SEC24D: variants seen among roughly 807,000 people sequenced by gnomAD.
SEC24D encodes the protein protein transport protein Sec24D.
A neutral mutation model predicts 116.9 loss-of-function variants in SEC24D; 69 were observed. The ratio of observed to expected loss-of-function variants is 0.59; its 90% CI spans 0.49 to 0.72. The LOEUF is 0.72. Among genes scored for constraint, SEC24D ranks in the 30% least tolerant of loss-of-function variants. The pLI, the probability that SEC24D is intolerant of heterozygous loss-of-function variation, is 0.00. For synonymous variants in SEC24D, 405 were observed against 442.8 expected (o/e 0.91, Z 1.07); for missense variants, 1,131 against 1,264.1 (o/e 0.89, Z 1.60).
At chr4:118,788,083 AG>A (rs1431037913) in intron 8 of SEC24D, among the ~76,000 whole-genome samples, 3 of 152,168 alleles carry the variant, frequency 2.0e-5, no homozygotes, top group Non-Finnish European at 2.9e-5. Context: ...CCTCCCAAGG[AG>A]GTGGGATTAC....
At chr4:118,740,439 T>G (rs974660308) in intron 17 of SEC24D, among the ~76,000 whole-genome samples, 2 of 152,210 alleles carry the variant, frequency 1.3e-5, no homozygotes, top group South Asian at 2.1e-4. Context: ...TTGCTGGACT[T>G]GCATGCAATG....
At chr4:118,753,003 GTT>G (rs1726916282) in intron 11 of SEC24D, 115 bp from the exon 12 acceptor site, 1 of 739,766 alleles carries the variant, frequency 1.4e-6, no homozygotes, top group Non-Finnish European at 2.1e-6. Context: ...CATGTTTAAA[GTT>G]TTTGTCTTAC....
intron 22 of SEC24D, among the ~76,000 whole-genome samples, chr4:118,724,765 T>TCA (rs1004862309): frequency 4.6e-5 from 7 of 152,180 alleles, no homozygotes; most frequent in Non-Finnish European, 1.0e-4. Context: ...ATCTGAATTG[T>TCA]CATAATTTCA....
intron 10 of SEC24D, among the ~76,000 whole-genome samples, chr4:118,762,102 G>GAA (rs779529680): frequency 7.5e-6 from 1 of 133,102 alleles, no homozygotes; most frequent in Non-Finnish European, 1.6e-5. Context: ...TTTTTGTTCA[G>GAA]AAAAAAAAAA....
intron 8 of SEC24D, among the ~76,000 whole-genome samples, chr4:118,788,670 C>G (rs1274364671): frequency 1.3e-5 from 2 of 152,144 alleles, no homozygotes; most frequent in African/African-American, 4.8e-5. Context: ...GAGAGGTGAA[C>G]AGGGTTATAA....
At chr4:118,834,536 A>AT (rs1731008947) in intron 1 of SEC24D, among the ~76,000 whole-genome samples, 1 of 152,130 alleles carries the variant, frequency 6.6e-6, no homozygotes, top group South Asian at 2.1e-4. Context: ...TAAATTTTCT[A>AT]TTTTTTCCAG....
intron 7 of SEC24D, among the ~76,000 whole-genome samples, chr4:118,805,013 T>C (rs1578456032): frequency 6.6e-6 from 1 of 151,842 alleles, no homozygotes; most frequent in Admixed American, 6.6e-5. Context: ...CTGAGGGTGA[T>C]GCTGAGGTTG....
chr4:118,748,594 G>A (rs558763009), intron 13 of SEC24D, among the ~76,000 whole-genome samples: 1 of 152,260 alleles, frequency 6.6e-6, no homozygotes, highest in African/African-American at 2.4e-5. Context: ...CAGGTTGAGA[G>A]AGGCTGGCTT....
At chr4:118,818,981 A>G (rs1730273879) in intron 3 of SEC24D, among the ~76,000 whole-genome samples, 1 of 152,234 alleles carries the variant, frequency 6.6e-6, no homozygotes, top group South Asian at 2.1e-4. Context: ...TTTGGAAGAA[A>G]ATGAATAAAA....
chr4:118,799,096 G>C (rs1223760268), intron 7 of SEC24D, among the ~76,000 whole-genome samples: 1 of 152,206 alleles, frequency 6.6e-6, no homozygotes, highest in African/African-American at 2.4e-5. Flanking sequence ...GTAGAACCAG[G>C]GAGACCATGT....
chr4:118,791,267 G>T (rs1728881884), intron 8 of SEC24D, among the ~76,000 whole-genome samples: 1 of 152,066 alleles, frequency 6.6e-6, no homozygotes, highest in South Asian at 2.1e-4. Context: ...TTTCAGAGAG[G>T]TGTTTGGATA....
chr4:118,748,874 CTTTGT>C (rs1726678962), intron 13 of SEC24D, among the ~76,000 whole-genome samples: 1 of 152,098 alleles, frequency 6.6e-6, no homozygotes, highest in Non-Finnish European at 1.5e-5. Context: ...CTCCATAAAC[CTTTGT>C]GCAAGGAGCA....
At chr4:118,792,285 G>A (rs1159844491) in intron 8 of SEC24D, among the ~76,000 whole-genome samples, 3 of 144,808 alleles carry the variant, frequency 2.1e-5, no homozygotes, top group South Asian at 2.2e-4. Flanking sequence ...GGCAGCCCCC[G>A]CCCGGCCAGC....
chr4:118,783,225 C>T (rs1049665338), intron 8 of SEC24D, among the ~76,000 whole-genome samples: 3 of 152,176 alleles, frequency 2.0e-5, no homozygotes, highest in Admixed American at 2.0e-4. Context: ...TGTTCCTATT[C>T]GACCATCTTG....
At chr4:118,810,713 G>A (rs571365851) in intron 6 of SEC24D, among the ~76,000 whole-genome samples, 2 of 152,300 alleles carry the variant, frequency 1.3e-5, no homozygotes, top group African/African-American at 4.8e-5. Flanking sequence ...CCCAGATGAT[G>A]CTGATGGTGC....
At chr4:118,805,644 C>A (rs527688035) in intron 7 of SEC24D, among the ~76,000 whole-genome samples, 199 bp downstream of exon 7, 1 of 152,290 alleles carries the variant, frequency 6.6e-6, no homozygotes, top group East Asian at 1.9e-4. Context: ...CACTGGAACT[C>A]TCCAGACTTC....
intron 19 of SEC24D, among the ~76,000 whole-genome samples, chr4:118,734,210 CTCT>C (rs771477321): frequency 1.3e-5 from 2 of 150,354 alleles, no homozygotes; most frequent in African/African-American, 4.9e-5. Context: ...TTAGCTTTCT[CTCT>C]TTTTTATTTT....
chr4:118,738,634 C>T (rs957369832), intron 18 of SEC24D, among the ~76,000 whole-genome samples: 1 of 152,102 alleles, frequency 6.6e-6, no homozygotes, highest in Admixed American at 6.6e-5. Flanking sequence ...TAGAATTGTA[C>T]ACACAGAAAA....
At chr4:118,833,434 G>C in intron 2 of SEC24D, 145 bp downstream of exon 2, 1 of 622,746 alleles carries the variant, frequency 1.6e-6, no homozygotes, top group Non-Finnish European at 2.8e-6. Flanking sequence ...TGCTATGAGA[G>C]CCTTTTCCAA....
Sources: gnomAD v4.1 joint callset for allele counts (sites outside exome capture counted in the v4.1 genomes callset) on GRCh38, gnomAD v4.1.1 for gene constraint, MANE v1.5 for transcripts, NCBI Gene and HGNC (gene_info 2026-07-23, HGNC 2026-07-21) for gene names.